DOCK10: variants seen among roughly 807,000 people sequenced by gnomAD.
DOCK10 encodes the protein dedicator of cytokinesis protein 10.
In DOCK10, 145 loss-of-function variants were observed where a neutral mutation model predicts 280.1. That is an observed-to-expected ratio of 0.52 (90% CI 0.45 to 0.59). The LOEUF (loss-of-function observed/expected upper bound fraction) is 0.59, where lower values mean the gene tolerates loss of function less well. Ranked by LOEUF, DOCK10 falls within the 20% of genes least tolerant of loss-of-function variation. The probability of loss-of-function intolerance (pLI) is 0.00; values close to 1 mark genes in which losing one functional copy is unlikely to be tolerated. For synonymous variants in DOCK10, 915 were observed against 942.2 expected (o/e 0.97, Z 0.53); for missense variants, 2,368 against 2,651.7 (o/e 0.89, Z 2.35).
intron 1 of DOCK10, among the ~76,000 whole-genome samples, chr2:225,020,542 G>A (rs925741624): frequency 1.3e-5 from 2 of 152,202 alleles, no homozygotes; most frequent in Non-Finnish European, 2.9e-5. Flanking sequence ...GAACAAAAGT[G>A]ACATTGATTG....
At chr2:224,996,267 T>C (rs1706270464) in intron 1 of DOCK10, among the ~76,000 whole-genome samples, 1 of 152,158 alleles carries the variant, frequency 6.6e-6, no homozygotes. Context: ...ACACAAAATA[T>C]GACAACTGAA....
intron 27 of DOCK10, among the ~76,000 whole-genome samples, chr2:224,827,091 C>T (rs1444624362): frequency 6.6e-6 from 1 of 151,684 alleles, no homozygotes; most frequent in South Asian, 2.1e-4. Context: ...GGTGAAACCC[C>T]GTCTCTACTA....
At chr2:224,769,096 C>T (rs542681215) in intron 55 of DOCK10, 7 of 375,528 alleles carry the variant, frequency 1.9e-5, no homozygotes, top group African/African-American at 4.2e-5. Flanking sequence ...TTATGATTTT[C>T]CCCATTCTAT....
intron 3 of DOCK10, among the ~76,000 whole-genome samples, chr2:224,908,614 G>C (rs1700819307): frequency 6.6e-6 from 1 of 151,922 alleles, no homozygotes; most frequent in Non-Finnish European, 1.5e-5. Context: ...CTCCTGCATC[G>C]GCCTCCTGAG....
intron 1 of DOCK10, among the ~76,000 whole-genome samples, chr2:225,012,244 T>C (rs901312218): frequency 6.6e-6 from 1 of 152,174 alleles, no homozygotes; most frequent in Non-Finnish European, 1.5e-5. Context: ...GGTTTTAACC[T>C]CTGCTCTGGA....
chr2:224,878,042 T>A (rs1698749051), intron 7 of DOCK10, among the ~76,000 whole-genome samples: 1 of 152,104 alleles, frequency 6.6e-6, no homozygotes, highest in Non-Finnish European at 1.5e-5. Flanking sequence ...TAAAATGAGA[T>A]CAATAGTGTG....
At chr2:224,865,325 G>C (rs896216688) in intron 11 of DOCK10, among the ~76,000 whole-genome samples, 1 of 152,104 alleles carries the variant, frequency 6.6e-6, no homozygotes, top group Non-Finnish European at 1.5e-5. Context: ...TTACATGCAT[G>C]GTTGGGCCTT....
rs1015535716 is a variant in DOCK10, at chr2:224,931,560, C to G, written c.232G>C (p.Asp78His). 1.7e-5 allele frequency: 28 copies of G among 1,608,920 alleles called. No homozygotes were observed. The Admixed American group carries it at 2.4e-4, about 14-fold the overall frequency. The change falls in exon 2 of 56, where the codon GAT becomes CAT. Residue 78 changes from aspartate to histidine, a missense_variant. This residue lies in a region of DOCK10 where 1,209 missense variants were observed against 1,250.9 expected (regional missense o/e 0.97). Transcript: ENST00000258390. ...AAGAGAAGACTTACTGAAAAGTCAT[C>G]ACTGGGGAAGAACAAGAGATCTTGA... ...PLQDLLFFPS[D>H]DFSAATVSWD...
chr2:224,809,056 T>C (rs897254533), intron 31 of DOCK10, among the ~76,000 whole-genome samples: 5 of 152,054 alleles, frequency 3.3e-5, no homozygotes, highest in African/African-American at 7.2e-5. Flanking sequence ...ACTGCCAAAT[T>C]TTGAGCCTGA....
rs557524992 is a variant in DOCK10, at chr2:224,804,839, A to T, written c.4121T>A (p.Val1374Asp). ...TAGGTATCTGAAATTTTGAAGACAA[A>T]CGCTAGAAAGGAGAAAAAAACCACA... ...EVSDFFSILD[V>D]CLQNFRYLGK... Residue 1374 changes from valine (V) to aspartate (D), a missense_variant and splice_region_variant, in exon 38 of 56, where the codon GTT becomes GAT. By Grantham distance (152) the Val-to-Asp change is radical. Coordinates refer to ENST00000258390, the MANE Select transcript of DOCK10 (RefSeq NM_014689.3). 1 of 1,510,974 alleles carries T rather than the reference A, an allele frequency of 6.6e-7. No homozygotes were observed. Among genetic ancestry groups the T allele is most frequent in the East Asian group, 2.5e-5 (1 of 39,770 alleles). 93.6% of individuals were successfully genotyped at this position (1,510,974 alleles called of 1,614,324 possible).
chr2:224,893,965 T>C (rs1158491397), intron 4 of DOCK10, among the ~76,000 whole-genome samples: 4 of 152,226 alleles, frequency 2.6e-5, no homozygotes, highest in African/African-American at 9.6e-5. Flanking sequence ...TTTTAAAGAA[T>C]AATTCTGCTG....
At chr2:224,790,350 G>T (rs1222110266) in intron 47 of DOCK10, among the ~76,000 whole-genome samples, 1 of 152,148 alleles carries the variant, frequency 6.6e-6, no homozygotes, top group East Asian at 1.9e-4. Context: ...AGCTTCTCTT[G>T]TTTTTCTCAC....
intron 1 of DOCK10, among the ~76,000 whole-genome samples, chr2:224,944,537 G>A (rs1357716599): frequency 6.6e-6 from 1 of 152,146 alleles, no homozygotes; most frequent in Non-Finnish European, 1.5e-5. Flanking sequence ...CGCAGGATAG[G>A]TATTATTATA....
intron 1 of DOCK10, among the ~76,000 whole-genome samples, chr2:224,999,712 G>GGTTT (rs1553630907): frequency 7.0e-6 from 1 of 142,698 alleles, no homozygotes; most frequent in African/African-American, 2.6e-5. Context: ...CTATAATGGT[G>GGTTT]TTTTTTTTTT....
chr2:224,805,420 G>A lies in DOCK10; in HGVS notation c.3924C>T (p.Asp1308=), dbSNP rs779984785. The change falls in exon 35 of 56, where the codon GAC becomes GAT. Residue 1308 remains aspartate (D), a synonymous_variant. Transcript: ENST00000258390. The surrounding 1 kb of genome is among the most constrained non-coding windows in gnomAD (Gnocchi z 4.3). The part of the protein sequence containing the change: ...STNEKSSEKT[D]NCEKIPRPLS... Reference sequence around the variant, plus strand: ...AGGGAAGTCATACCTTTTCACAGTTGTCCGTCTTCTCACTGCTCTTCTCAT... The same window carrying A: ...AGGGAAGTCATACCTTTTCACAGTTATCCGTCTTCTCACTGCTCTTCTCAT... 2 of 1,612,826 alleles carry A rather than the reference G, an allele frequency of 1.2e-6. No homozygotes were observed. The highest frequency in any genetic ancestry group is 1.7e-6 in the Non-Finnish European group (2 of 1,179,178).
chr2:224,804,049 G>T, intron 39 of DOCK10, 63 bp downstream of exon 39: 1 of 874,508 alleles, frequency 1.1e-6, no homozygotes, highest in Non-Finnish European at 1.9e-6. Flanking sequence ...CCTGACATGT[G>T]CATATACAGA....
chr2:224,921,112 A>AAAAAAAAAAAATATATATAT, intron 2 of DOCK10, among the ~76,000 whole-genome samples: 8 of 54,394 alleles, frequency 1.5e-4, no homozygotes, highest in Non-Finnish European at 2.4e-4. Context: ...AAAAAAAAAA[A>AAAAAAAAAAAATATATATAT]ATATATATAT....
At chr2:224,881,100 C>T (rs1698948377) in intron 7 of DOCK10, among the ~76,000 whole-genome samples, 1 of 152,112 alleles carries the variant, frequency 6.6e-6, no homozygotes, top group Admixed American at 6.5e-5. Flanking sequence ...AGAAAGACAA[C>T]ATATGTAACA....
Position 225,014,084 on chromosome 2 carries a change from G to GTTTTTT in DOCK10, c.123+28162_123+28167dup, listed in dbSNP as rs1174953662. 5.8e-4 allele frequency among the ~76,000 whole-genome samples: 61 copies of GTTTTTT among 104,424 alleles called. 3 individuals carry two copies. The highest frequency in any genetic ancestry group is 2.8e-3 in the African/African-American group (57 of 20,368). 68.5% of individuals were successfully genotyped at this position (104,424 alleles called of 152,430 possible). A position where few individuals can be genotyped will look rare whatever the true frequency, so the allele number is the denominator to read the frequency against. Reference sequence around the variant, plus strand: ...AAATCCCCAGAAGTCTGAATATATTGTTTTTTTTTTTTTGTTTTTTTTTTT... The same window carrying GTTTTTT: ...AAATCCCCAGAAGTCTGAATATATTGTTTTTTTTTTTTTTTTTTTGTTTTTTTTTTT... On this transcript the variant is annotated intron_variant, in intron 1 of 55. Coordinates refer to ENST00000258390, the MANE Select transcript of DOCK10 (RefSeq NM_014689.3).
Sources: allele counts gnomAD v4.1 joint callset (sites outside exome capture counted in the v4.1 genomes callset), GRCh38; gene constraint gnomAD v4.1.1; regional missense constraint gnomAD v4.1.1; non-coding constraint Gnocchi (gnomAD v3.1); transcripts MANE v1.5; gene names NCBI Gene and HGNC (gene_info 2026-07-23, HGNC 2026-07-21).